CACUL1: variants seen among roughly 807,000 people sequenced by gnomAD.
CACUL1 encodes CDK2 associated cullin domain 1.
CACUL1 carries 13 observed loss-of-function variants against 45.2 expected under a neutral mutation model. The observed-to-expected ratio is 0.29, with a 90% CI of 0.19 to 0.46. CACUL1 has a LOEUF of 0.46. Ranked by LOEUF, CACUL1 falls within the 20% of genes least tolerant of loss-of-function variation. The pLI, the probability that CACUL1 is intolerant of heterozygous loss-of-function variation, is 1.00. For missense variants in CACUL1, 421 were observed against 471.4 expected, an observed-to-expected ratio of 0.89 and a Z score of 0.99; for synonymous variants, 197 against 174.2, an observed-to-expected ratio of 1.13 and a Z score of -1.03.
At chr10:118,687,442 T>C (rs1845218586) in intron 7 of CACUL1, among the ~76,000 whole-genome samples, 1 of 152,170 alleles carries the variant, frequency 6.6e-6, no homozygotes, top group Non-Finnish European at 1.5e-5. Flanking sequence ...AAATCCTTGG[T>C]CATCCTCTCT....
chr10:118,678,471 T>G lies in CACUL1; in HGVS notation c.*7657A>C, dbSNP rs1246495703. On this transcript the variant is annotated 3_prime_UTR_variant, in exon 9 of 9. Coordinates refer to ENST00000369151, the MANE Select transcript of CACUL1 (RefSeq NM_153810.5). ...TTGGATATCCTTGGCCCTTTGCTCT[T>G]CCATTTATATCGACGAATCAAATTG... The G allele has an allele frequency of 6.6e-6, 1 of 152,194 alleles. No individual in the cohort carries two copies. The highest frequency in any genetic ancestry group is 1.5e-5 in the Non-Finnish European group (1 of 68,028). The allele number at this position is 152,194 out of a possible 1,614,324, so 9.4% of individuals were successfully genotyped here.
chr10:118,734,866 A>G (rs1427029327), intron 1 of CACUL1, among the ~76,000 whole-genome samples: 2 of 152,268 alleles, frequency 1.3e-5, no homozygotes, highest in East Asian at 1.9e-4. Flanking sequence ...CACATGGAAT[A>G]GCTGGAATCT....
In CACUL1 at chr10:118,737,917, A is replaced by G. The variant is rs558054715; in HGVS notation, c.368-7507T>C. On this transcript the variant is annotated intron_variant, in intron 1 of 8. Transcript: ENST00000369151. The stretch of plus-strand genomic sequence containing the variant: ...ACTCCACCTAATCCAAAATCTCATA[A>G]AATTCAAAGTACTCAAAATTCAAAA... Among the ~76,000 whole-genome samples, 6 of 152,366 alleles carry G rather than the reference A, an allele frequency of 3.9e-5. No homozygotes were observed. The East Asian group carries it at 1.2e-3, about 29-fold the overall frequency.
intron 6 of CACUL1, 117 bp from the exon 7 acceptor site, chr10:118,691,520 T>A (rs1175353692): frequency 4.6e-6 from 4 of 863,684 alleles, no homozygotes; most frequent in Non-Finnish European, 7.4e-6. Context: ...GGGGAAAAAA[T>A]TAGTGCAATC....
rs1301603947 is a variant in CACUL1, at chr10:118,676,412, G to C, written c.*9716C>G. 6.6e-6 allele frequency: 1 copy of C among 152,142 alleles called. No homozygotes were observed. The highest frequency in any genetic ancestry group is 1.5e-5 in the Non-Finnish European group (1 of 68,030). The allele number at this position is 152,142 out of a possible 1,614,324, so 9.4% of individuals were successfully genotyped here. ...AATTATTCAGCAAAAACAAGTTACT[G>C]ACATTGGAAAAGATGAAAATTTATT... On this transcript the variant is annotated 3_prime_UTR_variant, in exon 9 of 9. Coordinates refer to ENST00000369151, the MANE Select transcript of CACUL1 (RefSeq NM_153810.5).
intron 5 of CACUL1, among the ~76,000 whole-genome samples, chr10:118,699,233 A>G (rs1354806012): frequency 6.6e-6 from 1 of 152,224 alleles, no homozygotes; most frequent in Non-Finnish European, 1.5e-5. Context: ...TCTAAGTACA[A>G]TGCCTAACAA....
At chr10:118,707,731 CT>C (rs1473740236) in intron 3 of CACUL1, 144 bp from the exon 4 acceptor site, 12 of 527,190 alleles carry the variant, frequency 2.3e-5, no homozygotes, top group African/African-American at 4.0e-5. Context: ...GACACGTACA[CT>C]CTGAAGGTAA....
At chr10:118,716,844 C>T (rs1187269771) in intron 3 of CACUL1, among the ~76,000 whole-genome samples, 2 of 152,256 alleles carry the variant, frequency 1.3e-5, no homozygotes, top group Middle Eastern at 3.4e-3. Context: ...CTTCATGATC[C>T]ACCCGCCTCG....
intron 1 of CACUL1, among the ~76,000 whole-genome samples, chr10:118,745,457 G>A (rs1476115009): frequency 6.6e-6 from 1 of 152,152 alleles, no homozygotes; most frequent in Non-Finnish European, 1.5e-5. Context: ...AGCTACTCGG[G>A]AGGCTGAGAA....
Position 118,752,007 on chromosome 10 carries a change from T to G in CACUL1, c.367+2389A>C, listed in dbSNP as rs549316998. 1.3e-4 allele frequency among the ~76,000 whole-genome samples: 20 copies of G among 152,308 alleles called. No homozygotes were observed. In the East Asian group the frequency reaches 2.5e-3, roughly 19 times the overall value. ...CACTAGTTTAGTAAATGCTATCAAA[T>G]TTTTGTAAGTTTATCTTAAATCCAG... On this transcript the variant is annotated intron_variant, in intron 1 of 8. Transcript: ENST00000369151.
In CACUL1 at chr10:118,678,619, G is replaced by T. The variant is rs567327362; in HGVS notation, c.*7509C>A. 1.3e-5 allele frequency: 2 copies of T among 149,704 alleles called. No homozygotes were observed. Among genetic ancestry groups the T allele is most frequent in the African/African-American group, 2.4e-5 (1 of 40,842 alleles). The allele number at this position is 149,704 out of a possible 1,614,324, so 9.3% of individuals were successfully genotyped here. ...CTCTACACTTATTTAGGTCCATTAA[G>T]TTTTTTTTTTATCATTTTCTCATTT... On this transcript the variant is annotated 3_prime_UTR_variant, in exon 9 of 9. Transcript: ENST00000369151.
At chr10:118,745,895 T>G (rs1411847075) in intron 1 of CACUL1, among the ~76,000 whole-genome samples, 2 of 151,714 alleles carry the variant, frequency 1.3e-5, no homozygotes, top group African/African-American at 4.8e-5. Context: ...TCCCAGCACT[T>G]TGGGAAGCCG....
intron 1 of CACUL1, among the ~76,000 whole-genome samples, chr10:118,738,541 C>G (rs1718890572): frequency 8.6e-6 from 1 of 116,498 alleles, no homozygotes; most frequent in South Asian, 3.0e-4. Context: ...AGAAACTAAA[C>G]AGTCCCAGAG....
chr10:118,719,621 G>C (rs1845581935), intron 3 of CACUL1, among the ~76,000 whole-genome samples: 1 of 152,164 alleles, frequency 6.6e-6, no homozygotes. Flanking sequence ...AGACCAGCCT[G>C]ACCAACGTGG....
chr10:118,753,397 G>A (rs1845916760), intron 1 of CACUL1, among the ~76,000 whole-genome samples: 1 of 152,190 alleles, frequency 6.6e-6, no homozygotes. Flanking sequence ...CATAAAATTA[G>A]TAGCTAGAAA....
At chr10:118,728,371 C>T (rs1423139175) in intron 3 of CACUL1, among the ~76,000 whole-genome samples, 2 of 148,104 alleles carry the variant, frequency 1.4e-5, no homozygotes, top group Non-Finnish European at 1.5e-5. Context: ...TGGAGTGCAG[C>T]GACGCAATCT....
chr10:118,724,365 C>T (rs897262120), intron 3 of CACUL1, among the ~76,000 whole-genome samples: 1 of 152,130 alleles, frequency 6.6e-6, no homozygotes, highest in Admixed American at 6.5e-5. Context: ...CTTTGTTAGT[C>T]CTGTGGTCTG....
chr10:118,748,886 G>T (rs913611761), intron 1 of CACUL1, among the ~76,000 whole-genome samples: 2 of 152,084 alleles, frequency 1.3e-5, no homozygotes, highest in African/African-American at 4.8e-5. Flanking sequence ...ACACTATATT[G>T]AATGGAGGAG....
Position 118,754,592 on chromosome 10 carries a change from C to A in CACUL1, c.171G>T (p.Leu57=). 1 of 1,609,196 alleles carries A rather than the reference C, an allele frequency of 6.2e-7. No homozygotes were observed. Among genetic ancestry groups the A allele is most frequent in the Non-Finnish European group, 8.5e-7 (1 of 1,177,948 alleles). The change falls in exon 1 of 9, where the codon CTG becomes CTT. Residue 57 remains leucine (L), a synonymous_variant. Transcript: ENST00000369151. The stretch of plus-strand genomic sequence containing the variant: ...CCACGGAGACCGCGGGCACCGCCAG[C>A]AGCTGCCCCCCCGGAGGCTCTCGGG... ...APAREPPGGQ[L]LAVPAVSVDR... is the part of the protein sequence containing the mutation.
Sources: gnomAD v4.1 joint callset for allele counts (sites outside exome capture counted in the v4.1 genomes callset) on GRCh38, gnomAD v4.1.1 for gene constraint, MANE v1.5 for transcripts, NCBI Gene and HGNC (gene_info 2026-07-23, HGNC 2026-07-21) for gene names.